UCHL3: variants seen among roughly 807,000 people sequenced by gnomAD.
The protein encoded by UCHL3 is ubiquitin C-terminal hydrolase L3.
UCHL3 carries 22 observed loss-of-function variants against 35.8 expected under a neutral mutation model. That is an observed-to-expected ratio of 0.61 (90% confidence interval 0.44 to 0.88). The LOEUF (loss-of-function observed/expected upper bound fraction) is 0.88, where lower values mean the gene tolerates loss of function less well. Among genes scored for constraint, UCHL3 ranks in the 40% least tolerant of loss-of-function variants. The probability of loss-of-function intolerance (pLI) is 0.00; values close to 1 mark genes in which losing one functional copy is unlikely to be tolerated. For synonymous variants in UCHL3, 90 were observed against 92.8 expected, an observed-to-expected ratio of 0.97 and a Z score of 0.17; for missense variants, 229 against 276.9, an observed-to-expected ratio of 0.83 and a Z score of 1.23.
At chr13:75,598,003 A>G (rs910531354) in intron 7 of UCHL3, among the ~76,000 whole-genome samples, 1 of 152,100 alleles carries the variant, frequency 6.6e-6, no homozygotes, top group African/African-American at 2.4e-5. Context: ...AGATAAAATG[A>G]CTCCTTGTGG....
chr13:75,577,374 T>C (rs1360468169), intron 6 of UCHL3, among the ~76,000 whole-genome samples: 1 of 152,198 alleles, frequency 6.6e-6, no homozygotes, highest in East Asian at 1.9e-4. Flanking sequence ...ACATTTACAT[T>C]GTATTAGGTA....
intron 7 of UCHL3, among the ~76,000 whole-genome samples, chr13:75,598,106 T>A (rs2032690898): frequency 6.6e-6 from 1 of 152,230 alleles, no homozygotes; most frequent in Non-Finnish European, 1.5e-5. Context: ...ATTGTCTACC[T>A]GAAGTAACAG....
Position 75,569,331 on chromosome 13 carries a change from T to TAA in UCHL3, c.427-129_427-128insAA, listed in dbSNP as rs1457855887. On this transcript the variant is annotated intron_variant, in intron 5 of 8. Transcript: ENST00000377595. ...ATTCTTAAATATCTAGTACTAAGCT[T>TAA]TTCTTAAATTTCCTTCAATTTGTTG... 268 of 635,598 alleles carry TAA rather than the reference T, an allele frequency of 4.2e-4. No homozygotes were observed. The South Asian group carries it at 5.8e-3, about 14-fold the overall frequency. The allele number at this position is 635,598 out of a possible 1,614,324, so 39.4% of individuals were successfully genotyped here. A position where few individuals can be genotyped will look rare whatever the true frequency, so the allele number is the denominator to read the frequency against.
intron 2 of UCHL3, among the ~76,000 whole-genome samples, chr13:75,550,667 A>G (rs2031061710): frequency 6.6e-6 from 1 of 151,092 alleles, no homozygotes; most frequent in Non-Finnish European, 1.5e-5. Context: ...CAGAAGAGTA[A>G]GTGCTACCAG....
intron 7 of UCHL3, among the ~76,000 whole-genome samples, chr13:75,599,470 CT>C (rs1208092646): frequency 6.6e-6 from 1 of 152,082 alleles, no homozygotes; most frequent in African/African-American, 2.4e-5. Flanking sequence ...TTTGAGCAAG[CT>C]TATTGGCACC....
chr13:75,601,977 T>C (rs979793508), intron 7 of UCHL3, among the ~76,000 whole-genome samples: 11 of 151,816 alleles, frequency 7.2e-5, no homozygotes, highest in Non-Finnish European at 1.6e-4. Context: ...GGTGTGGTGG[T>C]GGGTGCCTGT....
intron 6 of UCHL3, among the ~76,000 whole-genome samples, chr13:75,572,210 T>A (rs576450959): frequency 2.8e-4 from 42 of 152,222 alleles, no homozygotes; most frequent in Non-Finnish European, 5.4e-4. Context: ...CTATCCATTC[T>A]TCAAGACTCA....
chr13:75,587,448 A>G (rs1318135539), intron 6 of UCHL3, among the ~76,000 whole-genome samples: 1 of 152,098 alleles, frequency 6.6e-6, no homozygotes, highest in Non-Finnish European at 1.5e-5. Context: ...TCAATATAAA[A>G]TTTTGAGGGT....
At chr13:75,594,119 TAATC>T (rs2032581576) in intron 6 of UCHL3, among the ~76,000 whole-genome samples, 1 of 152,218 alleles carries the variant, frequency 6.6e-6, no homozygotes, top group Non-Finnish European at 1.5e-5. Flanking sequence ...AAGTGCCAGT[TAATC>T]AATGTATCGA....
chr13:75,570,688 C>T (rs892915409), intron 6 of UCHL3, among the ~76,000 whole-genome samples: 4 of 152,176 alleles, frequency 2.6e-5, no homozygotes, highest in Admixed American at 6.5e-5. Context: ...GCAGAAGGAT[C>T]GCTTGAGGCC....
chr13:75,585,998 A>T (rs911594362), intron 6 of UCHL3, among the ~76,000 whole-genome samples: 1 of 152,146 alleles, frequency 6.6e-6, no homozygotes, highest in Non-Finnish European at 1.5e-5. Context: ...AAATCCAGCC[A>T]TATAAAACAT....
chr13:75,570,779 G>A (rs2031830422), intron 6 of UCHL3, among the ~76,000 whole-genome samples: 1 of 152,114 alleles, frequency 6.6e-6, no homozygotes, highest in South Asian at 2.1e-4. Flanking sequence ...GTGTGGTGGT[G>A]CATGCACCTG....
At chr13:75,568,166 T>G (rs2138495272) in intron 5 of UCHL3, among the ~76,000 whole-genome samples, 1 of 152,280 alleles carries the variant, frequency 6.6e-6, no homozygotes, top group Middle Eastern at 3.4e-3. Context: ...TTGGAATCAA[T>G]TTTTCTTTTG....
rs56945758 is a variant in UCHL3, at chr13:75,566,678, C to CT, written c.184-6dup. The stretch of plus-strand genomic sequence containing the variant: ...TTATTTTCCACAAATACACTGTTGA[C>CT]TTTTTTTTTTTAATAGTATGAAGTA... On this transcript the variant is annotated splice_polypyrimidine_tract_variant and intron_variant, in intron 3 of 8. Coordinates refer to ENST00000377595, the MANE Select transcript of UCHL3 (RefSeq NM_006002.5). 2.1e-5 allele frequency: 23 copies of CT among 1,104,790 alleles called. No individual in the cohort carries two copies. The South Asian group carries it at 2.9e-4, about 14-fold the overall frequency. 68.4% of individuals were successfully genotyped at this position (1,104,790 alleles called of 1,614,324 possible).
At chr13:75,575,239 T>C (rs527380002) in intron 6 of UCHL3, among the ~76,000 whole-genome samples, 3 of 152,300 alleles carry the variant, frequency 2.0e-5, no homozygotes, top group East Asian at 3.9e-4. Context: ...CTTTTCTCCA[T>C]CCCACCGTGA....
intron 2 of UCHL3, among the ~76,000 whole-genome samples, chr13:75,557,808 A>G (rs1421607552): frequency 6.6e-6 from 1 of 152,228 alleles, no homozygotes; most frequent in African/African-American, 2.4e-5. Flanking sequence ...TAATGCTTTT[A>G]TAAAATACTA....
chr13:75,568,444 G>A (rs916884324), intron 5 of UCHL3, among the ~76,000 whole-genome samples: 3 of 151,244 alleles, frequency 2.0e-5, no homozygotes, highest in African/African-American at 7.3e-5. Flanking sequence ...ACTAATGAGA[G>A]GTAGATAAAC....
intron 4 of UCHL3, 84 bp downstream of exon 4, chr13:75,566,935 T>C: frequency 7.1e-7 from 1 of 1,411,124 alleles, no homozygotes. Context: ...TCTAATTCTT[T>C]CTTCAAACTA....
At chr13:75,579,534 C>T (rs1044989705) in intron 6 of UCHL3, among the ~76,000 whole-genome samples, 2 of 151,896 alleles carry the variant, frequency 1.3e-5, no homozygotes, top group Non-Finnish European at 2.9e-5. Context: ...CTTTTCTCTC[C>T]CTCCGTCTGT....
Sources: allele counts gnomAD v4.1 joint callset (sites outside exome capture counted in the v4.1 genomes callset), GRCh38; gene constraint gnomAD v4.1.1; transcripts MANE v1.5; gene names NCBI Gene and HGNC (gene_info 2026-07-23, HGNC 2026-07-21).